SLC4A10: variants seen among roughly 807,000 people sequenced by gnomAD.
SLC4A10 encodes the protein sodium-driven chloride bicarbonate exchanger.
A neutral mutation model predicts 137.7 loss-of-function variants in SLC4A10; 42 were observed. The observed-to-expected ratio is 0.30, with a 90% confidence interval of 0.24 to 0.39. The LOEUF is 0.39. Ranked by LOEUF, SLC4A10 falls within the 10% of genes least tolerant of loss-of-function variation. The probability of loss-of-function intolerance (pLI) is 1.00; values close to 1 mark genes in which losing one functional copy is unlikely to be tolerated. For missense variants in SLC4A10, 925 were observed against 1,355.0 expected (o/e 0.68, Z 4.98); for synonymous variants, 474 against 464.1 (o/e 1.02, Z -0.27).
chr2:161,946,878 C>T (rs1054209485), intron 16 of SLC4A10, among the ~76,000 whole-genome samples: 6 of 152,016 alleles, frequency 3.9e-5, no homozygotes, highest in East Asian at 1.9e-4. Flanking sequence ...AGTCCAAGTT[C>T]GATAGTCCCA....
chr2:161,815,765 T>C (rs541674219), intron 3 of SLC4A10, among the ~76,000 whole-genome samples: 3 of 152,254 alleles, frequency 2.0e-5, no homozygotes, highest in East Asian at 1.9e-4. Context: ...ACTTAAATAA[T>C]TGACCAAGAA....
At position 161,758,690 on chromosome 2, in the gene SLC4A10, G is replaced by A. The variant is rs566208992; in HGVS notation, c.49-12283G>A. On this transcript the variant is annotated intron_variant, in intron 1 of 26. Transcript: ENST00000446997. ...TTGTAGATTATTACAAACTTACAAA[G>A]GGCAACATTTTATTAATGATGGAGA... Among the ~76,000 whole-genome samples the A allele has an allele frequency of 4.6e-5, 7 of 152,010 alleles. No individual in the cohort carries two copies. In the East Asian group the frequency reaches 1.4e-3, roughly 29 times the overall value.
chr2:161,906,989 G>A (rs1208050494), intron 15 of SLC4A10, among the ~76,000 whole-genome samples: 1 of 148,644 alleles, frequency 6.7e-6, no homozygotes, highest in Non-Finnish European at 1.5e-5. Context: ...CCGGGAGGCG[G>A]AGCTTGCAGT....
intron 2 of SLC4A10, among the ~76,000 whole-genome samples, chr2:161,777,827 T>C (rs2052546398): frequency 6.6e-6 from 1 of 152,016 alleles, no homozygotes. Context: ...CCAAACCATA[T>C]CAGTTTCCTT....
chr2:161,751,148 T>G (rs141698623), intron 1 of SLC4A10, among the ~76,000 whole-genome samples: 1 of 151,870 alleles, frequency 6.6e-6, no homozygotes, highest in East Asian at 1.9e-4. Context: ...TGCGGTTGGA[T>G]CTTGCTTATT....
chr2:161,844,552 AT>A (rs948757325), intron 4 of SLC4A10, among the ~76,000 whole-genome samples: 7 of 152,150 alleles, frequency 4.6e-5, no homozygotes, highest in Non-Finnish European at 8.8e-5. Context: ...TTTGGATGAT[AT>A]AATAACTCCT....
rs531220284 is a variant in SLC4A10, at chr2:161,666,674, A to G, written c.48+42108A>G. ...TAGTATTTCTCAGATAACAAATAAT[A>G]AAGAGTATGAGACATTTAATATGGA... is the stretch of plus-strand genomic sequence containing the variant. On this transcript the variant is annotated intron_variant, in intron 1 of 26. Coordinates refer to ENST00000446997, the MANE Select transcript of SLC4A10 (RefSeq NM_001178015.2). Among the ~76,000 whole-genome samples, 11 of 151,854 alleles carry G rather than the reference A, an allele frequency of 7.2e-5. No homozygotes were observed. The South Asian group carries it at 2.3e-3, about 31-fold the overall frequency.
At chr2:161,941,456 C>T (rs1329402504) in intron 15 of SLC4A10, among the ~76,000 whole-genome samples, 1 of 152,080 alleles carries the variant, frequency 6.6e-6, no homozygotes, top group African/African-American at 2.4e-5. Flanking sequence ...AAGGGGCACA[C>T]GTGTAGTAAG....
chr2:161,750,536 A>T (rs1448533115), intron 1 of SLC4A10, among the ~76,000 whole-genome samples: 1 of 151,464 alleles, frequency 6.6e-6, no homozygotes, highest in East Asian at 1.9e-4. Context: ...ATATTTGTGG[A>T]TTTTCTCATT....
At chr2:161,838,283 TA>T (rs34124601) in intron 3 of SLC4A10, among the ~76,000 whole-genome samples, 8 of 150,632 alleles carry the variant, frequency 5.3e-5, no homozygotes, top group African/African-American at 7.3e-5. Context: ...ATGCAAAAAA[TA>T]AAAAAAAACC....
In SLC4A10 at chr2:161,855,567, AC is replaced by A. The variant is rs368608610; in HGVS notation, c.577+440del. 1.8e-4 allele frequency among the ~76,000 whole-genome samples: 27 copies of A among 152,206 alleles called. 1 individual carries two copies. The East Asian group carries it at 4.8e-3, about 27-fold the overall frequency. ...GCCATTCATTTTAAACTTAATTAAA[AC>A]CCTTGAATTCCAGAGGAAGCCAAGT... On this transcript the variant is annotated intron_variant, in intron 5 of 26. Transcript: ENST00000446997.
At chr2:161,763,002 A>G (rs897736020) in intron 1 of SLC4A10, among the ~76,000 whole-genome samples, 1 of 152,100 alleles carries the variant, frequency 6.6e-6, no homozygotes, top group African/African-American at 2.4e-5. Context: ...ACATTCCTTG[A>G]GTTATGAGAA....
chr2:161,668,955 A>G (rs1237315216), intron 1 of SLC4A10, among the ~76,000 whole-genome samples: 1 of 151,926 alleles, frequency 6.6e-6, no homozygotes, highest in Non-Finnish European at 1.5e-5. Context: ...TCATGCTATC[A>G]AGTTCTAGCT....
At chr2:161,725,929 A>G (rs1053358278) in intron 1 of SLC4A10, among the ~76,000 whole-genome samples, 22 of 152,214 alleles carry the variant, frequency 1.4e-4, no homozygotes, top group African/African-American at 5.1e-4. Flanking sequence ...TTTACCATGT[A>G]TAACATTTAA....
intron 1 of SLC4A10, among the ~76,000 whole-genome samples, chr2:161,691,750 G>A (rs1034551891): frequency 6.6e-6 from 1 of 152,106 alleles, no homozygotes; most frequent in Admixed American, 6.6e-5. Flanking sequence ...AGATAATCTT[G>A]TAGAGGAAAC....
At chr2:161,630,561 A>C (rs918297950) in intron 1 of SLC4A10, among the ~76,000 whole-genome samples, 8 of 151,904 alleles carry the variant, frequency 5.3e-5, no homozygotes, top group African/African-American at 1.9e-4. Context: ...ATTTAAGGGC[A>C]TGCTACTTAT....
chr2:161,859,701 C>T (rs560585268), intron 5 of SLC4A10, among the ~76,000 whole-genome samples: 1 of 148,512 alleles, frequency 6.7e-6, no homozygotes, highest in East Asian at 2.0e-4. Flanking sequence ...CCCGGGTTCA[C>T]GCCATTCCCC....
chr2:161,692,567 A>C (rs2124931635), intron 1 of SLC4A10, among the ~76,000 whole-genome samples: 1 of 152,230 alleles, frequency 6.6e-6, no homozygotes, highest in East Asian at 1.9e-4. Context: ...AAAATAGCTT[A>C]ATAAAGTCAT....
chr2:161,851,063 G>GT (rs2059803704), intron 4 of SLC4A10, among the ~76,000 whole-genome samples: 1 of 152,114 alleles, frequency 6.6e-6, no homozygotes, highest in African/African-American at 2.4e-5. Flanking sequence ...ACTGCATTGT[G>GT]TTCTGAGAGC....
Sources: gnomAD v4.1 joint callset for allele counts (sites outside exome capture counted in the v4.1 genomes callset) on GRCh38, gnomAD v4.1.1 for gene constraint, MANE v1.5 for transcripts, NCBI Gene and HGNC (gene_info 2026-07-23, HGNC 2026-07-21) for gene names.